Variants in NCAPG2 observed in about 807,000 individuals in gnomAD.
The protein encoded by NCAPG2 is non-SMC condensin II complex subunit G2.
Under a neutral mutation model 141.1 loss-of-function variants are expected in NCAPG2, and 53 were observed. The observed-to-expected ratio is 0.38, with a 90% CI of 0.30 to 0.47. The LOEUF (loss-of-function observed/expected upper bound fraction) is 0.47, where lower values mean the gene tolerates loss of function less well. Among genes scored for constraint, NCAPG2 ranks in the 20% least tolerant of loss-of-function variants. The pLI is 0.99. For synonymous variants in NCAPG2, 499 were observed against 490.7 expected (o/e 1.02, Z -0.22); for missense variants, 1,087 against 1,389.0 (o/e 0.78, Z 3.46).
intron 22 of NCAPG2, among the ~76,000 whole-genome samples, chr7:158,653,665 T>C (rs1319057042): frequency 2.0e-5 from 3 of 152,236 alleles, no homozygotes; most frequent in Non-Finnish European, 4.4e-5. Flanking sequence ...AGACTACAGA[T>C]GGATCCACTA....
chr7:158,670,619 T>C (rs555488881), intron 13 of NCAPG2, among the ~76,000 whole-genome samples: 1 of 152,336 alleles, frequency 6.6e-6, no homozygotes, highest in South Asian at 2.1e-4. Flanking sequence ...ATTTTACCCA[T>C]ATCTGAGCAA....
At chr7:158,689,770 CTAT>C in intron 6 of NCAPG2, 46 bp downstream of exon 6, 1 of 1,467,852 alleles carries the variant, frequency 6.8e-7, no homozygotes, top group Non-Finnish European at 9.2e-7. Flanking sequence ...GGAGAAACAT[CTAT>C]TAAGAAGCAG....
At chr7:158,650,088 CT>C (rs1371264414) in intron 24 of NCAPG2, among the ~76,000 whole-genome samples, 9 of 152,196 alleles carry the variant, frequency 5.9e-5, no homozygotes, top group African/African-American at 2.2e-4. Context: ...GAGTCTCGCC[CT>C]GTTGCCCAGG....
chr7:158,644,816 C>G (rs1045156291), intron 26 of NCAPG2, among the ~76,000 whole-genome samples: 3 of 152,152 alleles, frequency 2.0e-5, no homozygotes, highest in Non-Finnish European at 2.9e-5. Context: ...TTATGCCCAA[C>G]CTGGGTCAAA....
chr7:158,674,785 G>T (rs1833953848), intron 12 of NCAPG2, among the ~76,000 whole-genome samples: 1 of 152,236 alleles, frequency 6.6e-6, no homozygotes, highest in South Asian at 2.1e-4. Flanking sequence ...GTTGATTCCA[G>T]TAGCAGGAAA....
chr7:158,637,269 G>C (rs1361471744), intron 27 of NCAPG2, among the ~76,000 whole-genome samples: 1 of 152,174 alleles, frequency 6.6e-6, no homozygotes, highest in Non-Finnish European at 1.5e-5. Flanking sequence ...ATTAAAACTA[G>C]CATAGTGGAC....
intron 13 of NCAPG2, among the ~76,000 whole-genome samples, chr7:158,671,099 G>A (rs985035916): frequency 7.6e-6 from 1 of 130,872 alleles, no homozygotes; most frequent in Non-Finnish European, 1.6e-5. Context: ...GGGTGGGGGT[G>A]GGGGGTGGCT....
chr7:158,690,606 A>G lies in NCAPG2; in HGVS notation c.499T>C (p.Phe167Leu). 6.2e-7 allele frequency: 1 copy of G among 1,614,174 alleles called. No individual in the cohort carries two copies. Among genetic ancestry groups the G allele is most frequent in the South Asian group, 1.1e-5 (1 of 91,088 alleles). ...PAKEDTGKTA[F>L]VMLLRRSLET... ...AGACTCCTCCTTAGTAACATGACAA[A>G]GGCTGTCTTTCCTGTGTCTTCCTTG... is the stretch of plus-strand genomic sequence containing the variant. The change falls in exon 5 of 28, where the codon TTT becomes CTT. Residue 167 changes from phenylalanine (F) to leucine (L), a missense_variant. By Grantham distance (22) the Phe-to-Leu change is conservative. Coordinates refer to ENST00000356309, the MANE Select transcript of NCAPG2 (RefSeq NM_017760.7).
chr7:158,645,682 G>A lies in NCAPG2; in HGVS notation c.3180-63C>T, dbSNP rs1280556359. The A allele has an allele frequency of 6.8e-6, 10 of 1,461,500 alleles. No individual in the cohort carries two copies. The East Asian group carries it at 2.3e-4, about 34-fold the overall frequency. The allele number at this position is 1,461,500 out of a possible 1,614,324, so 90.5% of individuals were successfully genotyped here. A position where few individuals can be genotyped will look rare whatever the true frequency, so the allele number is the denominator to read the frequency against. The stretch of plus-strand genomic sequence containing the variant: ...ATATAGACCCTAATACATTATAGCA[G>A]AAGTACAGCCAAGGTTCAACCACAA... On this transcript the variant is annotated intron_variant, in intron 25 of 27. Coordinates refer to ENST00000356309, the MANE Select transcript of NCAPG2 (RefSeq NM_017760.7).
At chr7:158,688,566 A>T (rs1412730523) in intron 6 of NCAPG2, among the ~76,000 whole-genome samples, 1 of 152,260 alleles carries the variant, frequency 6.6e-6, no homozygotes, top group Non-Finnish European at 1.5e-5. Flanking sequence ...GATGGTGCTG[A>T]CACAGCAAGG....
In NCAPG2 at chr7:158,656,676, C is replaced by A. The variant is rs780591786; in HGVS notation, c.2090G>T (p.Arg697Leu). ...GCTCTTGTCCACAGCGCCCTCCTCC[C>A]GGCTTCTCAGCGTGGAAATCACACC... ...SCGVISTLRS[R>L]EEGAVDKSYC... Residue 697 changes from arginine to leucine, a missense_variant, in exon 18 of 28, where the codon CGG becomes CTG. Physicochemically the swap from Arg to Leu is moderately radical, Grantham distance 102. Coordinates refer to ENST00000356309, the MANE Select transcript of NCAPG2 (RefSeq NM_017760.7). 6.2e-7 allele frequency: 1 copy of A among 1,614,058 alleles called. No homozygotes were observed. The highest frequency in any genetic ancestry group is 8.5e-7 in the Non-Finnish European group (1 of 1,180,018).
intron 23 of NCAPG2, among the ~76,000 whole-genome samples, chr7:158,651,395 A>G (rs972574558): frequency 1.4e-4 from 21 of 152,228 alleles, no homozygotes; most frequent in Non-Finnish European, 2.9e-4. Context: ...CTTGAAACAA[A>G]TTCATCAAAA....
chr7:158,663,161 C>T (rs924903325), intron 15 of NCAPG2, among the ~76,000 whole-genome samples: 3 of 152,210 alleles, frequency 2.0e-5, no homozygotes, highest in Admixed American at 6.5e-5. Context: ...CACCAACAAT[C>T]CCTGCTGTCG....
Position 158,655,103 on chromosome 7 carries a change from C to T in NCAPG2, c.2646+15G>A. 6.3e-7 allele frequency: 1 copy of T among 1,592,446 alleles called. No individual in the cohort carries two copies. Among genetic ancestry groups the T allele is most frequent in the South Asian group, 1.1e-5 (1 of 87,724 alleles). On this transcript the variant is annotated intron_variant, in intron 21 of 27. Transcript: ENST00000356309. ...TTGGTAAAGAGAAAGTTTTCTGTGT[C>T]TTAAGACTTCTAACCTGGATAATTT...
chr7:158,682,850 T>TG (rs1834527483), intron 9 of NCAPG2, among the ~76,000 whole-genome samples: 1 of 152,142 alleles, frequency 6.6e-6, no homozygotes, highest in Non-Finnish European at 1.5e-5. Flanking sequence ...AGTTCATATC[T>TG]AAATTCTGAG....
At chr7:158,662,133 T>C in intron 16 of NCAPG2, 61 bp downstream of exon 16, 1 of 1,469,926 alleles carries the variant, frequency 6.8e-7, no homozygotes, top group Admixed American at 2.6e-5. Context: ...AGAACTTTTG[T>C]TAAATTCTAA....
intron 12 of NCAPG2, among the ~76,000 whole-genome samples, chr7:158,675,105 C>A (rs1364563556): frequency 6.6e-6 from 1 of 152,184 alleles, no homozygotes; most frequent in South Asian, 2.1e-4. Context: ...GTTTGAGCTA[C>A]AATTGGTGTT....
chr7:158,654,466 T>C lies in NCAPG2; in HGVS notation c.2746+129A>G, dbSNP rs558279941. The C allele has an allele frequency of 3.3e-5, 30 of 911,086 alleles. 1 individual carries two copies. In the Admixed American group the frequency reaches 7.8e-4, roughly 24 times the overall value. The allele number at this position is 911,086 out of a possible 1,614,324, so 56.4% of individuals were successfully genotyped here. ...GCTGAACCACCTAACAAATCCCTTTTTTGGGATATGCCAGGTTGCATTATA... is the reference window on the plus strand; with the variant it reads ...GCTGAACCACCTAACAAATCCCTTTCTTGGGATATGCCAGGTTGCATTATA... On this transcript the variant is annotated intron_variant, in intron 22 of 27. Coordinates refer to ENST00000356309, the MANE Select transcript of NCAPG2 (RefSeq NM_017760.7).
intron 1 of NCAPG2, chr7:158,703,835 G>A (rs1299254498): frequency 2.6e-5 from 4 of 152,690 alleles, no homozygotes; most frequent in African/African-American, 9.6e-5. Flanking sequence ...GAGTTCAGGA[G>A]ACTGATGTCT....
Sources: gnomAD v4.1 joint callset for allele counts (sites outside exome capture counted in the v4.1 genomes callset) on GRCh38, gnomAD v4.1.1 for gene constraint, MANE v1.5 for transcripts, NCBI Gene and HGNC (gene_info 2026-07-23, HGNC 2026-07-21) for gene names.